SYNPR: variants seen among roughly 807,000 people sequenced by gnomAD.
SYNPR encodes the protein synaptoporin.
SYNPR carries 23 observed loss-of-function variants against 32.9 expected under a neutral mutation model. The ratio of observed to expected loss-of-function variants is 0.70; its 90% CI spans 0.50 to 0.99. SYNPR has a LOEUF of 0.99. SYNPR is among the 50% of genes least tolerant of loss of function. SYNPR has a pLI of 0.00. For missense variants in SYNPR, 318 were observed against 349.3 expected, an observed-to-expected ratio of 0.91 and a Z score of 0.71; for synonymous variants, 146 against 135.9, an observed-to-expected ratio of 1.07 and a Z score of -0.52.
chr3:63,429,291 G>C (rs1422998338), intron 2 of SYNPR, among the ~76,000 whole-genome samples: 2 of 152,186 alleles, frequency 1.3e-5, no homozygotes, highest in Non-Finnish European at 2.9e-5. Context: ...CTTCTCTGTA[G>C]AGCATGTAGG....
At position 63,352,045 on chromosome 3, in the gene SYNPR, C is replaced by G. The variant is rs568740869; in HGVS notation, c.84+73303C>G. 7.2e-5 allele frequency among the ~76,000 whole-genome samples: 11 copies of G among 152,118 alleles called. No homozygotes were observed. The East Asian group carries it at 2.1e-3, about 30-fold the overall frequency. On this transcript the variant is annotated intron_variant, in intron 2 of 5. Transcript: ENST00000478300. ...GACCTGAAGGAAAGGAAGAAGCCAGCCCTGTGAAGACCTTGGAGGGAGTGC... is the reference window on the plus strand; with the variant it reads ...GACCTGAAGGAAAGGAAGAAGCCAGGCCTGTGAAGACCTTGGAGGGAGTGC...
chr3:63,479,238 G>A (rs568839712), intron 2 of SYNPR, among the ~76,000 whole-genome samples: 1 of 152,274 alleles, frequency 6.6e-6, no homozygotes, highest in South Asian at 2.1e-4. Flanking sequence ...TTTATGGCCT[G>A]GAACATCTTA....
At chr3:63,259,523 G>A (rs6804488) in intron 2 of SYNPR, among the ~76,000 whole-genome samples, 11,843 of 152,012 alleles carry the variant, frequency 0.078, 1,340 homozygotes, top group African/African-American at 0.25. Flanking sequence ...AAATTCAACA[G>A]CCCTTCATGC....
chr3:63,603,195 G>T (rs908930062), intron 4 of SYNPR, among the ~76,000 whole-genome samples: 4 of 152,146 alleles, frequency 2.6e-5, no homozygotes, highest in South Asian at 2.1e-4. Context: ...CACTGATTTT[G>T]TATCCTAAAA....
chr3:63,342,542 G>T (rs947069871), intron 2 of SYNPR, among the ~76,000 whole-genome samples: 1 of 152,136 alleles, frequency 6.6e-6, no homozygotes, highest in African/African-American at 2.4e-5. Flanking sequence ...ATGATTTTAT[G>T]TCTTAGTTCA....
Position 63,540,878 on chromosome 3 carries a change from C to G in SYNPR, c.210-15665C>G, listed in dbSNP as rs140941698. ...CAGTGAGGTTCATGTGAAATTTCACCTCCTATCACTCCTACACACACACAC... is the reference window on the plus strand; with the variant it reads ...CAGTGAGGTTCATGTGAAATTTCACGTCCTATCACTCCTACACACACACAC... On this transcript the variant is annotated intron_variant, in intron 3 of 5. Coordinates refer to ENST00000478300, the MANE Select transcript of SYNPR (RefSeq NM_001130003.2). 4.1e-3 allele frequency among the ~76,000 whole-genome samples: 571 copies of G among 139,546 alleles called. 2 individuals are homozygous for G. The highest frequency in any genetic ancestry group is 8.8e-3 in the Admixed American group (111 of 12,670). 91.5% of individuals were successfully genotyped at this position (139,546 alleles called of 152,430 possible).
intron 3 of SYNPR, among the ~76,000 whole-genome samples, chr3:63,550,826 C>A (rs945144672): frequency 6.6e-6 from 1 of 152,122 alleles, no homozygotes; most frequent in Non-Finnish European, 1.5e-5. Flanking sequence ...AAGATTAAAG[C>A]CAAAATCTAT....
chr3:63,251,014 T>A (rs2086326734), intron 1 of SYNPR, among the ~76,000 whole-genome samples: 1 of 151,996 alleles, frequency 6.6e-6, no homozygotes, highest in African/African-American at 2.4e-5. Flanking sequence ...AGAACAAAAA[T>A]AAGAAACTGT....
At chr3:63,480,207 A>G (rs1354933645) in intron 2 of SYNPR, among the ~76,000 whole-genome samples, 6 of 152,158 alleles carry the variant, frequency 3.9e-5, no homozygotes, top group Non-Finnish European at 7.4e-5. Context: ...AACTGTTGAA[A>G]CTTTTAATAG....
intron 2 of SYNPR, among the ~76,000 whole-genome samples, chr3:63,319,672 A>G (rs2087086956): frequency 1.3e-5 from 2 of 152,058 alleles, no homozygotes; most frequent in African/African-American, 4.8e-5. Context: ...GCATTGAAAA[A>G]AAAATTGTTA....
chr3:63,218,478 A>T, the SYNPR span, among the ~76,000 whole-genome samples: 1 of 152,220 alleles, frequency 6.6e-6, no homozygotes, highest in African/African-American at 2.4e-5. Context: ...TGTTGGAATT[A>T]TGATCTTTAT....
intron 2 of SYNPR, among the ~76,000 whole-genome samples, chr3:63,392,770 T>A (rs549480696): frequency 2.0e-5 from 3 of 152,174 alleles, no homozygotes; most frequent in South Asian, 2.1e-4. Context: ...CATTTTCTTT[T>A]TTATTATTAT....
At chr3:63,381,631 G>A (rs113669189) in intron 2 of SYNPR, among the ~76,000 whole-genome samples, 5 of 152,232 alleles carry the variant, frequency 3.3e-5, no homozygotes, top group South Asian at 4.1e-4. Flanking sequence ...ATATTGTTGG[G>A]TAATGTATTT....
At chr3:63,392,500 A>T (rs917061560) in intron 2 of SYNPR, among the ~76,000 whole-genome samples, 3 of 152,182 alleles carry the variant, frequency 2.0e-5, no homozygotes, top group African/African-American at 7.2e-5. Context: ...ATCACCTGGG[A>T]AATAGAGCTG....
Position 63,398,554 on chromosome 3 carries a change from TA to T in SYNPR, c.85-82264del, listed in dbSNP as rs111456568. The stretch of plus-strand genomic sequence containing the variant: ...AAACCCCATCTCTACTAAAAAATAT[TA>T]AAAAAAAAAAAAATTAGCCGGGCAC... On this transcript the variant is annotated intron_variant, in intron 2 of 5. Coordinates refer to ENST00000478300, the MANE Select transcript of SYNPR (RefSeq NM_001130003.2). Among the ~76,000 whole-genome samples the T allele has an allele frequency of 7.1e-3, 992 of 140,658 alleles. 10 individuals carry two copies. The highest frequency in any genetic ancestry group is 0.015 in the Middle Eastern group (4 of 272). 92.3% of individuals were successfully genotyped at this position (140,658 alleles called of 152,430 possible).
At chr3:63,551,397 T>G (rs1189318573) in intron 3 of SYNPR, among the ~76,000 whole-genome samples, 6 of 152,210 alleles carry the variant, frequency 3.9e-5, no homozygotes, top group Admixed American at 3.3e-4. Flanking sequence ...AGATTTTGTG[T>G]AGACAAATGT....
intron 2 of SYNPR, among the ~76,000 whole-genome samples, chr3:63,387,158 C>T (rs1433386764): frequency 6.6e-6 from 1 of 152,196 alleles, no homozygotes; most frequent in South Asian, 2.1e-4. Context: ...ATCGCCACAA[C>T]AACCCCATAA....
intron 3 of SYNPR, among the ~76,000 whole-genome samples, chr3:63,539,251 A>G (rs975907731): frequency 2.0e-5 from 3 of 152,128 alleles, no homozygotes; most frequent in African/African-American, 7.2e-5. Flanking sequence ...TCCACAACAA[A>G]GTAGAATCCA....
chr3:63,480,092 C>T (rs540700317), intron 2 of SYNPR, among the ~76,000 whole-genome samples: 90 of 152,306 alleles, frequency 5.9e-4, no homozygotes, highest in African/African-American at 2.1e-3. Context: ...TCCTGTCTTC[C>T]AAGTGTCTCT....
Sources: allele counts gnomAD v4.1 joint callset (sites outside exome capture counted in the v4.1 genomes callset), GRCh38; gene constraint gnomAD v4.1.1; transcripts MANE v1.5; gene names NCBI Gene and HGNC (gene_info 2026-07-23, HGNC 2026-07-21).